The following TMEM9 variants were observed in gnomAD, a reference collection of about 807,000 sequenced individuals.
The protein encoded by TMEM9 is transmembrane protein 9, also known as proton-transporting V-type ATPase complex assembly regulator TMEM9.
In TMEM9, 13 loss-of-function variants were observed where a neutral mutation model predicts 22.8. That is an observed-to-expected ratio of 0.57 (90% CI 0.37 to 0.91). TMEM9 has a LOEUF of 0.91. Among genes scored for constraint, TMEM9 ranks in the 40% least tolerant of loss-of-function variants. The pLI is 0.01. For synonymous variants in TMEM9, 88 were observed against 93.0 expected, an observed-to-expected ratio of 0.95 and a Z score of 0.31; for missense variants, 182 against 238.1, an observed-to-expected ratio of 0.76 and a Z score of 1.55.
chr1:201,169,646 G>A (rs1261773423), intron 1 of TMEM9, among the ~76,000 whole-genome samples: 1 of 152,226 alleles, frequency 6.6e-6, no homozygotes, highest in Non-Finnish European at 1.5e-5. Context: ...ATGTGGAAGA[G>A]AAATGAGTTG....
chr1:201,143,987 C>G (rs753466421), intron 3 of TMEM9, 36 bp from the exon 4 acceptor site: 2 of 1,612,172 alleles, frequency 1.2e-6, no homozygotes, highest in South Asian at 2.2e-5. Context: ...GAACCATTAT[C>G]TGAGGCCAGG....
intron 2 of TMEM9, among the ~76,000 whole-genome samples, chr1:201,148,502 C>T (rs1280735712): frequency 6.6e-6 from 1 of 152,218 alleles, no homozygotes; most frequent in East Asian, 1.9e-4. Flanking sequence ...TGGGCTCTGT[C>T]CTGGCTCTGC....
At chr1:201,144,047 A>G in intron 3 of TMEM9, 96 bp from the exon 4 acceptor site, 3 of 1,404,410 alleles carry the variant, frequency 2.1e-6, no homozygotes, top group Non-Finnish European at 2.9e-6. Context: ...GCTGGCAGTG[A>G]CTCCTCAAGT....
chr1:201,136,724 C>G (rs1432153412), intron 4 of TMEM9, among the ~76,000 whole-genome samples: 1 of 152,224 alleles, frequency 6.6e-6, no homozygotes, highest in Non-Finnish European at 1.5e-5. Context: ...CCTGCAGGAC[C>G]TGAACCTGAT....
upstream of TMEM9, among the ~76,000 whole-genome samples, chr1:201,156,627 T>G (rs1401506775): frequency 2.0e-5 from 3 of 152,224 alleles, no homozygotes; most frequent in Admixed American, 2.0e-4. Context: ...ATCTTTCATC[T>G]TATTCAAATC....
chr1:201,168,262 G>T (rs1572143510), intron 1 of TMEM9, among the ~76,000 whole-genome samples: 1 of 152,142 alleles, frequency 6.6e-6, no homozygotes, highest in South Asian at 2.1e-4. Context: ...TCTCTCTGGG[G>T]TATATACCTA....
intron 1 of TMEM9, among the ~76,000 whole-genome samples, chr1:201,167,150 A>G (rs1349380157): frequency 6.6e-6 from 1 of 152,214 alleles, no homozygotes. Flanking sequence ...TAACCGCCTG[A>G]TGGGTTTTTC....
At chr1:201,170,574 A>C (rs1572144861) in intron 1 of TMEM9, among the ~76,000 whole-genome samples, 1 of 152,206 alleles carries the variant, frequency 6.6e-6, no homozygotes, top group South Asian at 2.1e-4. Flanking sequence ...CCTAGGAGAC[A>C]GACACGCTGA....
chr1:201,161,391 A>G (rs1665944450), intron 1 of TMEM9, among the ~76,000 whole-genome samples: 1 of 152,194 alleles, frequency 6.6e-6, no homozygotes, highest in Non-Finnish European at 1.5e-5. Flanking sequence ...TACTTCAAAA[A>G]TGGCTGGTTT....
chr1:201,151,285 A>T (rs141890340), intron 2 of TMEM9, among the ~76,000 whole-genome samples: 4 of 152,348 alleles, frequency 2.6e-5, no homozygotes, highest in Non-Finnish European at 5.9e-5. Context: ...GGTACCCAGA[A>T]ATGAATTCAA....
intron 3 of TMEM9, among the ~76,000 whole-genome samples, chr1:201,145,824 T>A (rs1218220638): frequency 6.6e-6 from 1 of 152,114 alleles, no homozygotes; most frequent in African/African-American, 2.4e-5. Context: ...TAGCTGGGTG[T>A]GGTGATGTGC....
At chr1:201,151,883 G>C (rs1453108382) in intron 1 of TMEM9, 31 bp from the exon 2 acceptor site, 3 of 1,580,686 alleles carry the variant, frequency 1.9e-6, no homozygotes, top group Non-Finnish European at 2.6e-6. Flanking sequence ...CAAGTATGCA[G>C]AGACCCTGCC....
intron 3 of TMEM9, among the ~76,000 whole-genome samples, chr1:201,146,065 G>T (rs575607046): frequency 4.3e-4 from 66 of 152,360 alleles, no homozygotes; most frequent in African/African-American, 1.6e-3. Context: ...AGCCGCACTG[G>T]GGGGCTGGGG....
intron 4 of TMEM9, among the ~76,000 whole-genome samples, chr1:201,142,758 C>T (rs778173566): frequency 7.9e-4 from 121 of 152,352 alleles, no homozygotes; most frequent in Non-Finnish European, 1.3e-3. Context: ...GCAGCCAACC[C>T]CGCCTGCCTT....
intron 3 of TMEM9, 85 bp from the exon 4 acceptor site, chr1:201,144,036 G>T: frequency 6.7e-7 from 1 of 1,491,026 alleles, no homozygotes; most frequent in Non-Finnish European, 9.2e-7. Flanking sequence ...ATCTGTGTCC[G>T]GCTGGCAGTG....
intron 2 of TMEM9, among the ~76,000 whole-genome samples, chr1:201,149,162 G>A (rs1665227882): frequency 6.6e-6 from 1 of 152,212 alleles, no homozygotes; most frequent in South Asian, 2.1e-4. Flanking sequence ...ATAAGGAGCT[G>A]AAATAGTTCT....
At chr1:201,136,349 A>C (rs1308093183) in intron 4 of TMEM9, among the ~76,000 whole-genome samples, 3 of 152,176 alleles carry the variant, frequency 2.0e-5, no homozygotes, top group Non-Finnish European at 4.4e-5. Context: ...GGGGACAGGA[A>C]GAAGGCCCAG....
At chr1:201,139,205 C>T (rs1266046343) in intron 4 of TMEM9, among the ~76,000 whole-genome samples, 5 of 152,104 alleles carry the variant, frequency 3.3e-5, no homozygotes, top group Admixed American at 6.5e-5. Flanking sequence ...CCACCTCAGG[C>T]GGCTCTCCTC....
At chr1:201,161,905 TG>T (rs1665954438) in intron 1 of TMEM9, among the ~76,000 whole-genome samples, 1 of 152,226 alleles carries the variant, frequency 6.6e-6, no homozygotes, top group Non-Finnish European at 1.5e-5. Context: ...AGAGACTTTA[TG>T]ATAGCCATTT....
Sources: gnomAD v4.1 joint callset for allele counts (sites outside exome capture counted in the v4.1 genomes callset) on GRCh38, gnomAD v4.1.1 for gene constraint, MANE v1.5 for transcripts, NCBI Gene and HGNC (gene_info 2026-07-23, HGNC 2026-07-21) for gene names.